The following CTNNA2 variants were observed in gnomAD, a reference collection of about 807,000 sequenced individuals.
CTNNA2 encodes the protein catenin alpha 2.
Under a neutral mutation model 101.0 loss-of-function variants are expected in CTNNA2, and 42 were observed. The ratio of observed to expected loss-of-function variants is 0.42; its 90% CI spans 0.32 to 0.54. The LOEUF (loss-of-function observed/expected upper bound fraction) is 0.54. Ranked by LOEUF, CTNNA2 falls within the 20% of genes least tolerant of loss-of-function variation. The probability of loss-of-function intolerance (pLI) is 0.14; values close to 1 mark genes in which losing one functional copy is unlikely to be tolerated. For synonymous variants in CTNNA2, 450 were observed against 456.4 expected, an observed-to-expected ratio of 0.99 and a Z score of 0.18; for missense variants, 871 against 1,223.1, an observed-to-expected ratio of 0.71 and a Z score of 4.29.
intron 3 of CTNNA2, among the ~76,000 whole-genome samples, chr2:79,315,152 A>G (rs1199293320): frequency 1.3e-5 from 2 of 151,202 alleles, no homozygotes; most frequent in African/African-American, 4.9e-5. Context: ...TTCAATGGTG[A>G]TTATGATTTT....
At chr2:80,365,638 T>C (rs1422263132) in intron 7 of CTNNA2, among the ~76,000 whole-genome samples, 2 of 152,026 alleles carry the variant, frequency 1.3e-5, no homozygotes, top group African/African-American at 4.8e-5. Flanking sequence ...TAAAATCATT[T>C]TGGCCTGTAG....
intron 4 of CTNNA2, among the ~76,000 whole-genome samples, chr2:79,432,587 G>A (rs552521358): frequency 1.3e-5 from 2 of 152,260 alleles, no homozygotes; most frequent in Admixed American, 1.3e-4. Context: ...ACCAAAGGGA[G>A]GAAGTTGGAA....
At chr2:79,241,841 G>A (rs989755252) in intron 2 of CTNNA2, among the ~76,000 whole-genome samples, 5 of 152,128 alleles carry the variant, frequency 3.3e-5, no homozygotes, top group Non-Finnish European at 5.9e-5. Context: ...TGCAGGGTTA[G>A]GAGACTAACA....
rs1351247145 is a variant in CTNNA2, at chr2:80,624,237, C to T, written c.2574+5009C>T. On this transcript the variant is annotated intron_variant, in intron 18 of 18. Transcript: ENST00000402739. ...TTGACTTCTTTAATTAAGTGAACTT[C>T]CTTGGAAAAAAAACGTGTATGTCAG... Among the ~76,000 whole-genome samples, 42 of 128,978 alleles carry T rather than the reference C, an allele frequency of 3.3e-4. No individual in the cohort carries two copies. The Admixed American group carries it at 3.4e-3, about 10-fold the overall frequency. 84.6% of individuals were successfully genotyped at this position (128,978 alleles called of 152,430 possible). A position where few individuals can be genotyped will look rare whatever the true frequency, so the allele number is the denominator to read the frequency against.
At chr2:79,324,696 G>T (rs1331430512) in intron 3 of CTNNA2, among the ~76,000 whole-genome samples, 6 of 151,850 alleles carry the variant, frequency 4.0e-5, no homozygotes, top group Non-Finnish European at 8.8e-5. Context: ...GTCCCTGAAG[G>T]TCACAGGCCC....
intron 7 of CTNNA2, among the ~76,000 whole-genome samples, chr2:80,011,715 C>T (rs752418452): frequency 1.1e-4 from 17 of 152,138 alleles, no homozygotes; most frequent in Non-Finnish European, 2.2e-4. Flanking sequence ...TACATATAAG[C>T]AATAAAGTTG....
At chr2:80,161,177 A>G (rs1704294124) in intron 7 of CTNNA2, among the ~76,000 whole-genome samples, 1 of 152,016 alleles carries the variant, frequency 6.6e-6, no homozygotes, top group Non-Finnish European at 1.5e-5. Flanking sequence ...CACCACACCC[A>G]GCTAATTTTT....
chr2:79,997,075 A>G (rs1335133741), intron 7 of CTNNA2, among the ~76,000 whole-genome samples: 4 of 152,092 alleles, frequency 2.6e-5, no homozygotes, highest in Non-Finnish European at 2.9e-5. Context: ...CTCCTTTATA[A>G]CACTGTCCAA....
chr2:79,457,665 C>T (rs935024141), intron 4 of CTNNA2, among the ~76,000 whole-genome samples: 14 of 152,000 alleles, frequency 9.2e-5, no homozygotes, highest in African/African-American at 2.9e-4. Context: ...ACCTTAGTTA[C>T]GGAAACTCCG....
At chr2:79,816,228 G>A (rs543000001) in intron 3 of CTNNA2, among the ~76,000 whole-genome samples, 2 of 152,140 alleles carry the variant, frequency 1.3e-5, no homozygotes, top group East Asian at 3.9e-4. Context: ...CCTCTTTACT[G>A]ATTTGGATGC....
intron 1 of CTNNA2, among the ~76,000 whole-genome samples, chr2:79,551,567 T>A (rs1674101862): frequency 6.6e-6 from 1 of 152,062 alleles, no homozygotes; most frequent in Non-Finnish European, 1.5e-5. Context: ...ATTGTCAGAG[T>A]GAAATTCAAC....
intron 4 of CTNNA2, among the ~76,000 whole-genome samples, chr2:79,414,505 T>G (rs1475948285): frequency 1.3e-5 from 2 of 152,112 alleles, no homozygotes; most frequent in Non-Finnish European, 2.9e-5. Flanking sequence ...TTGGTAATTT[T>G]ATAAAATTCT....
At chr2:79,789,802 A>G (rs1171326792) in intron 3 of CTNNA2, among the ~76,000 whole-genome samples, 1 of 152,078 alleles carries the variant, frequency 6.6e-6, no homozygotes, top group African/African-American at 2.4e-5. Context: ...AGGAGAGTCA[A>G]GACTTCTGGG....
intron 4 of CTNNA2, among the ~76,000 whole-genome samples, chr2:79,477,587 G>A (rs1671064686): frequency 6.6e-6 from 1 of 152,164 alleles, no homozygotes; most frequent in African/African-American, 2.4e-5. Context: ...AACATGTTCT[G>A]CCTATTTGCA....
chr2:79,381,575 C>G (rs1323884788), intron 4 of CTNNA2, among the ~76,000 whole-genome samples: 2 of 152,188 alleles, frequency 1.3e-5, no homozygotes, highest in African/African-American at 4.8e-5. Flanking sequence ...GCTGCTCATG[C>G]ATTGGTATAG....
At chr2:79,518,901 G>A (rs911887255) in intron 1 of CTNNA2, among the ~76,000 whole-genome samples, 2 of 151,780 alleles carry the variant, frequency 1.3e-5, no homozygotes, top group African/African-American at 4.8e-5. Flanking sequence ...CTAATATGTG[G>A]AAGTGGCATA....
intron 7 of CTNNA2, among the ~76,000 whole-genome samples, chr2:80,318,754 T>C (rs1009309988): frequency 1.9e-4 from 29 of 152,188 alleles, no homozygotes; most frequent in African/African-American, 6.8e-4. Context: ...AAAAATCAGA[T>C]TGGACCTTTT....
intron 2 of CTNNA2, among the ~76,000 whole-genome samples, chr2:79,262,865 T>G (rs537382191): frequency 2.6e-5 from 4 of 152,256 alleles, no homozygotes; most frequent in Non-Finnish European, 5.9e-5. Flanking sequence ...CTACATTCAT[T>G]TACTCAGAAA....
At chr2:80,010,111 C>T (rs1183698302) in intron 7 of CTNNA2, among the ~76,000 whole-genome samples, 1 of 152,134 alleles carries the variant, frequency 6.6e-6, no homozygotes, top group Non-Finnish European at 1.5e-5. Context: ...AATAATAGCT[C>T]CCTACCCCTT....
Sources: gnomAD v4.1 joint callset for allele counts (sites outside exome capture counted in the v4.1 genomes callset) on GRCh38, gnomAD v4.1.1 for gene constraint, MANE v1.5 for transcripts, NCBI Gene and HGNC (gene_info 2026-07-23, HGNC 2026-07-21) for gene names.